The following UST variants were observed in gnomAD, a reference collection of about 807,000 sequenced individuals.
The protein encoded by UST is uronyl 2-sulfotransferase, also known as chondroitin sulfate 2-O-sulfotransferase.
UST carries 21 observed loss-of-function variants against 45.6 expected under a neutral mutation model. The observed-to-expected ratio is 0.46, with a 90% confidence interval of 0.33 to 0.66. The LOEUF (loss-of-function observed/expected upper bound fraction) is 0.66, where lower values mean the gene tolerates loss of function less well. UST is among the 30% of genes least tolerant of loss of function. UST has a pLI of 0.02. For missense variants in UST, 463 were observed against 512.4 expected (o/e 0.90, Z 0.93); for synonymous variants, 215 against 200.6 (o/e 1.07, Z -0.61).
intron 5 of UST, among the ~76,000 whole-genome samples, chr6:148,994,208 G>C (rs1481640315): frequency 6.6e-6 from 1 of 152,012 alleles, no homozygotes; most frequent in Non-Finnish European, 1.5e-5. Flanking sequence ...CTGGCCTCAA[G>C]TGATCCACTT....
intron 5 of UST, among the ~76,000 whole-genome samples, chr6:149,001,309 G>C (rs767721600): frequency 6.6e-6 from 1 of 152,114 alleles, no homozygotes; most frequent in Non-Finnish European, 1.5e-5. Context: ...CCTGACCTCG[G>C]ATCTGCCCAC....
chr6:148,748,398 CTTGTGT>C lies in UST; in HGVS notation c.247+722_247+727del, dbSNP rs1293690571. ...TGTGCGTCTCAAGCTCAAGTCAAAA[CTTGTGT>C]GTGTGTGTGTGTGTGTGTGTGTGTG... On this transcript the variant is annotated intron_variant, in intron 1 of 7. Transcript: ENST00000367463. The surrounding 1 kb of genome is among the most constrained non-coding windows in gnomAD (Gnocchi z 5.3). 9.5e-5 allele frequency among the ~76,000 whole-genome samples: 11 copies of C among 116,244 alleles called. No homozygotes were observed. In the South Asian group the frequency reaches 2.7e-3, roughly 28 times the overall value. The allele number at this position is 116,244 out of a possible 152,430, so 76.3% of individuals were successfully genotyped here.
At chr6:148,863,809 C>T (rs1290340632) in intron 1 of UST, among the ~76,000 whole-genome samples, 1 of 152,228 alleles carries the variant, frequency 6.6e-6, no homozygotes, top group Non-Finnish European at 1.5e-5. Flanking sequence ...TCGGAGGCTG[C>T]AGAACAGCAA....
intron 7 of UST, among the ~76,000 whole-genome samples, chr6:149,026,168 A>G (rs1441528058): frequency 7.7e-6 from 1 of 130,490 alleles, no homozygotes; most frequent in Non-Finnish European, 1.7e-5. Context: ...AAAAAAAAAC[A>G]GGCCTGATGG....
chr6:148,843,444 A>G (rs1187309510), intron 1 of UST, among the ~76,000 whole-genome samples: 2 of 152,198 alleles, frequency 1.3e-5, no homozygotes, highest in African/African-American at 4.8e-5. Context: ...CACTATTCTC[A>G]CTCAAGTCTT....
chr6:148,749,093 T>A (rs1775940936), intron 1 of UST, among the ~76,000 whole-genome samples: 1 of 152,208 alleles, frequency 6.6e-6, no homozygotes, highest in Non-Finnish European at 1.5e-5. Context: ...TTTTATTTCT[T>A]TATAAACTTT....
chr6:148,931,708 A>G (rs915472261), intron 2 of UST, among the ~76,000 whole-genome samples: 2 of 152,238 alleles, frequency 1.3e-5, no homozygotes, highest in African/African-American at 4.8e-5. Flanking sequence ...GTTTTTGAGC[A>G]CAACAAAAAC....
At chr6:149,017,924 C>T (rs1289755800) in intron 5 of UST, among the ~76,000 whole-genome samples, 2 of 151,996 alleles carry the variant, frequency 1.3e-5, no homozygotes, top group African/African-American at 4.8e-5. Flanking sequence ...ATGAGATGCT[C>T]TTAATCACCC....
At chr6:148,888,327 C>A (rs1181053720) in intron 2 of UST, among the ~76,000 whole-genome samples, 2 of 152,160 alleles carry the variant, frequency 1.3e-5, no homozygotes, top group Admixed American at 1.3e-4. Flanking sequence ...TCACCTCCCA[C>A]CAGGCCACTC....
intron 7 of UST, among the ~76,000 whole-genome samples, chr6:149,054,021 A>G (rs2115037857): frequency 6.6e-6 from 1 of 152,274 alleles, no homozygotes; most frequent in East Asian, 1.9e-4. Flanking sequence ...CACCAGCACA[A>G]TTTGAGAGCA....
In UST at chr6:148,790,287, C is replaced by T. The variant is rs984324911; in HGVS notation, c.247+42610C>T. On this transcript the variant is annotated intron_variant, in intron 1 of 7. Transcript: ENST00000367463. This position sits in a 1 kb window ranked among gnomAD's most constrained non-coding sequence, Gnocchi z 4.2. ...GTGCCTCCAACTGGAATGAAAGCTTCTGGGAGTAGAGACCCCGTTTTGCTG... is the reference window on the plus strand; with the variant it reads ...GTGCCTCCAACTGGAATGAAAGCTTTTGGGAGTAGAGACCCCGTTTTGCTG... Among the ~76,000 whole-genome samples the T allele has an allele frequency of 3.3e-4, 50 of 152,308 alleles. No individual in the cohort carries two copies. The highest frequency in any genetic ancestry group is 1.2e-3 in the African/African-American group (50 of 41,574).
intron 7 of UST, among the ~76,000 whole-genome samples, chr6:149,058,862 C>T (rs1446633230): frequency 6.6e-6 from 1 of 152,000 alleles, no homozygotes. Context: ...ATATATAAGC[C>T]GGTATTTTAG....
chr6:148,941,251 A>C (rs1384835846), intron 2 of UST, 28 bp from the exon 3 acceptor site: 1 of 1,612,370 alleles, frequency 6.2e-7, no homozygotes, highest in Admixed American at 1.7e-5. Flanking sequence ...CAGACGTTTC[A>C]TGTTTGTTCT....
intron 7 of UST, among the ~76,000 whole-genome samples, chr6:149,060,070 T>A (rs1202081978): frequency 6.6e-6 from 1 of 152,222 alleles, no homozygotes; most frequent in African/African-American, 2.4e-5. Context: ...AAACCCTTCA[T>A]TCTCTTTCAT....
At chr6:148,826,982 G>A (rs558036831) in intron 1 of UST, among the ~76,000 whole-genome samples, 115 of 151,384 alleles carry the variant, frequency 7.6e-4, no homozygotes, top group African/African-American at 2.5e-3. Flanking sequence ...ATAATCTCCT[G>A]AAGTCTCTTT....
At chr6:148,942,586 A>T (rs971997810) in intron 3 of UST, among the ~76,000 whole-genome samples, 5 of 152,128 alleles carry the variant, frequency 3.3e-5, no homozygotes, top group Non-Finnish European at 7.4e-5. Flanking sequence ...AGTAAATAAA[A>T]AAATAAATAA....
At chr6:148,940,836 T>G (rs1780112394) in intron 2 of UST, among the ~76,000 whole-genome samples, 1 of 152,242 alleles carries the variant, frequency 6.6e-6, no homozygotes, top group Non-Finnish European at 1.5e-5. Context: ...GAAATATCTA[T>G]TCAAATCCAT....
intron 7 of UST, among the ~76,000 whole-genome samples, chr6:149,056,906 T>C (rs937673376): frequency 6.6e-6 from 1 of 152,204 alleles, no homozygotes; most frequent in African/African-American, 2.4e-5. Context: ...ATCTCACTTA[T>C]CTACATGTTC....
rs536140296 is a variant in UST at position 148,880,557 on chromosome 6, C to T, written c.248-6429C>T. Among the ~76,000 whole-genome samples, 8 of 152,314 alleles carry T rather than the reference C, an allele frequency of 5.3e-5. No individual in the cohort carries two copies. In the South Asian group the frequency reaches 1.7e-3, roughly 32 times the overall value. On this transcript the variant is annotated intron_variant, in intron 1 of 7. Transcript: ENST00000367463. The stretch of plus-strand genomic sequence containing the variant: ...AGTCCTCCAAGTGCTCCAACTAACT[C>T]CTGTGTACTTGGATGTAACGCCTTT...
Sources: allele counts gnomAD v4.1 joint callset (sites outside exome capture counted in the v4.1 genomes callset), GRCh38; gene constraint gnomAD v4.1.1; non-coding constraint Gnocchi (gnomAD v3.1); transcripts MANE v1.5; gene names NCBI Gene and HGNC (gene_info 2026-07-23, HGNC 2026-07-21).